IL17RD: variants seen among roughly 807,000 people sequenced by gnomAD.
IL17RD encodes the protein interleukin-17 receptor D.
IL17RD carries 52 observed loss-of-function variants against 80.5 expected under a neutral mutation model. The observed-to-expected ratio is 0.65, with a 90% confidence interval of 0.52 to 0.81. IL17RD has a LOEUF of 0.81. IL17RD is among the 40% of genes least tolerant of loss of function. IL17RD has a pLI of 0.00. For missense variants in IL17RD, 1,024 were observed against 955.1 expected, an observed-to-expected ratio of 1.07 and a Z score of -0.95; for synonymous variants, 416 against 391.8, an observed-to-expected ratio of 1.06 and a Z score of -0.73.
At chr3:57,129,038 C>G (rs1707552784) in intron 1 of IL17RD, among the ~76,000 whole-genome samples, 1 of 152,170 alleles carries the variant, frequency 6.6e-6, no homozygotes, top group South Asian at 2.1e-4. Flanking sequence ...AGAGCCAGAC[C>G]TTTCCCTCCG....
At chr3:57,132,233 G>A (rs977107112) in intron 1 of IL17RD, among the ~76,000 whole-genome samples, 1 of 152,032 alleles carries the variant, frequency 6.6e-6, no homozygotes, top group Admixed American at 6.6e-5. Flanking sequence ...AGCATTTTGG[G>A]AGGCCGAAGT....
chr3:57,104,294 C>T (rs1385138653), intron 8 of IL17RD, 48 bp downstream of exon 8: 9 of 1,279,230 alleles, frequency 7.0e-6, no homozygotes, highest in African/African-American at 1.5e-5. Context: ...TCTATATGAA[C>T]TGGGTTCATT....
At chr3:57,153,696 C>T (rs770113562) in intron 1 of IL17RD, among the ~76,000 whole-genome samples, 34 of 152,054 alleles carry the variant, frequency 2.2e-4, no homozygotes, top group Non-Finnish European at 4.4e-4. Flanking sequence ...TCTACAGATT[C>T]GAAAATTTTC....
rs1432561540 is a variant in IL17RD at position 57,094,941 on chromosome 3, A to G, written c.*1452T>C. 6.5e-6 allele frequency: 1 copy of G among 152,674 alleles called. No homozygotes were observed. The highest frequency in any genetic ancestry group is 1.5e-5 in the Non-Finnish European group (1 of 68,040). The allele number at this position is 152,674 out of a possible 1,614,324, so 9.5% of individuals were successfully genotyped here. A position where few individuals can be genotyped will look rare whatever the true frequency, so the allele number is the denominator to read the frequency against. On this transcript the variant is annotated 3_prime_UTR_variant, in exon 13 of 13. Transcript: ENST00000296318. The stretch of plus-strand genomic sequence containing the variant: ...GAGCAGTGAGTATGACATTTGCATC[A>G]GAAATATACACAAACCTTTTCTTTC...
At chr3:57,167,105 A>G (rs2060351675), upstream of IL17RD, among the ~76,000 whole-genome samples, 2 of 152,224 alleles carry the variant, frequency 1.3e-5, no homozygotes, top group African/African-American at 4.8e-5. Flanking sequence ...TGCTTGCCCA[A>G]AGGAACACTG....
Position 57,127,277 on chromosome 3 carries a change from TATATATAA to T in IL17RD, c.127-6972_127-6965del, listed in dbSNP as rs1559476888. ...AAATATATATAAATATATATAAAAA[TATATATAA>T]ATATATATAAATATATATAAAAATA... On this transcript the variant is annotated intron_variant, in intron 1 of 12. Transcript: ENST00000296318. 6.1e-3 allele frequency among the ~76,000 whole-genome samples: 470 copies of T among 77,418 alleles called. 31 individuals are homozygous for T. The highest frequency in any genetic ancestry group is 0.027 in the African/African-American group (450 of 16,592). The allele number at this position is 77,418 out of a possible 152,430, so 50.8% of individuals were successfully genotyped here.
At chr3:57,132,628 C>T (rs1199145193) in intron 1 of IL17RD, among the ~76,000 whole-genome samples, 2 of 152,160 alleles carry the variant, frequency 1.3e-5, no homozygotes, top group East Asian at 3.8e-4. Context: ...GTCCAAGATG[C>T]TGGGACTCAT....
At chr3:57,127,311 TATAAAA>T in intron 1 of IL17RD, among the ~76,000 whole-genome samples, 5 of 102,320 alleles carry the variant, frequency 4.9e-5, no homozygotes, top group African/African-American at 2.7e-4. Flanking sequence ...TATAAAAATA[TATAAAA>T]ATATATATAA....
Position 57,097,980 on chromosome 3 carries a change from G to T in IL17RD, c.1723C>A (p.Arg575=). ...TCAAATTTCTCCAAGACTGGCTCCC[G>T]GTAGCGCAGTGGAGGAGGATGGAAG... The part of the protein sequence containing the change: ...VPFHPPPLRY[R]EPVLEKFDSG... The change falls in exon 12 of 13, where the codon CGG becomes AGG. Residue 575 remains arginine (R), a synonymous_variant. Coordinates refer to ENST00000296318, the MANE Select transcript of IL17RD (RefSeq NM_017563.5). 1 of 1,614,000 alleles carries T rather than the reference G, an allele frequency of 6.2e-7. No homozygotes were observed. The highest frequency in any genetic ancestry group is 8.5e-7 in the Non-Finnish European group (1 of 1,179,886).
rs750007583 is a variant in IL17RD at position 57,097,788 on chromosome 3, C to G, written c.1915G>C (p.Gly639Arg). ...QDGEARPALD[G>R]SAALQPLLHT... ...AGCAGGGGTTGCAGGGCGGCGCTAC[C>G]GTCAAGGGCAGGCCGGGCCTCCCCG... The change falls in exon 12 of 13, where the codon GGT becomes CGT. Residue 639 changes from glycine (G) to arginine (R), a missense_variant. Transcript: ENST00000296318. 2 of 1,603,270 alleles carry G rather than the reference C, an allele frequency of 1.2e-6. No individual in the cohort carries two copies. The highest frequency in any genetic ancestry group is 1.7e-5 in the Admixed American group (1 of 59,056).
At chr3:57,134,820 G>A (rs1161417342) in intron 1 of IL17RD, 3 of 379,980 alleles carry the variant, frequency 7.9e-6, no homozygotes, top group African/African-American at 6.3e-5. Flanking sequence ...AAATAAATAA[G>A]CTAAGAATGG....
At chr3:57,139,809 G>A (rs957225561) in intron 1 of IL17RD, among the ~76,000 whole-genome samples, 3 of 152,026 alleles carry the variant, frequency 2.0e-5, no homozygotes, top group South Asian at 2.1e-4. Context: ...GAGCCACCTC[G>A]CCTGGCTGAA....
intron 3 of IL17RD, among the ~76,000 whole-genome samples, chr3:57,111,160 C>A (rs1205423342): frequency 6.6e-6 from 1 of 152,274 alleles, no homozygotes; most frequent in Non-Finnish European, 1.5e-5. Context: ...TTTCACATTC[C>A]TTCTGAACAT....
chr3:57,151,216 G>C (rs1024087139), intron 1 of IL17RD, among the ~76,000 whole-genome samples: 1 of 152,102 alleles, frequency 6.6e-6, no homozygotes, highest in Non-Finnish European at 1.5e-5. Flanking sequence ...TCTAGCCCCA[G>C]AGTGATATAA....
At chr3:57,127,412 A>ATATATATATT (rs1246159104) in intron 1 of IL17RD, among the ~76,000 whole-genome samples, 16 of 91,190 alleles carry the variant, frequency 1.8e-4, no homozygotes, top group African/African-American at 7.8e-4. Context: ...ATATATATAT[A>ATATATATATT]TTTTTTTTTT....
At chr3:57,106,914 G>A (rs534277674) in intron 5 of IL17RD, among the ~76,000 whole-genome samples, 4 of 152,138 alleles carry the variant, frequency 2.6e-5, no homozygotes, top group African/African-American at 9.6e-5. Flanking sequence ...CCCCCAAAAA[G>A]ATACATTGAT....
intron 1 of IL17RD, among the ~76,000 whole-genome samples, chr3:57,157,454 C>T (rs2060275791): frequency 6.6e-6 from 1 of 152,198 alleles, no homozygotes; most frequent in African/African-American, 2.4e-5. Context: ...GTCCCACAAC[C>T]TAACACAGGG....
chr3:57,161,514 C>T lies in IL17RD; in HGVS notation c.126+3647G>A, dbSNP rs147567397. ...AGATGATGCCAGCATCCTGGCTTCC[C>T]GAATTCCTGAAGGAGTAGTGTTTTC... On this transcript the variant is annotated intron_variant, in intron 1 of 12. Transcript: ENST00000296318. Among the ~76,000 whole-genome samples the T allele has an allele frequency of 2.0e-5, 3 of 152,260 alleles. No homozygotes were observed. The East Asian group carries it at 5.8e-4, about 29-fold the overall frequency.
chr3:57,168,357 T>C (rs2107553494), upstream of IL17RD, among the ~76,000 whole-genome samples: 2 of 152,316 alleles, frequency 1.3e-5, no homozygotes, highest in African/African-American at 4.8e-5. Context: ...CACAGCTCAC[T>C]GCAGAATCTG....
Sources: gnomAD v4.1 joint callset for allele counts (sites outside exome capture counted in the v4.1 genomes callset) on GRCh38, gnomAD v4.1.1 for gene constraint, MANE v1.5 for transcripts, NCBI Gene and HGNC (gene_info 2026-07-23, HGNC 2026-07-21) for gene names.